OXR1: variants seen among roughly 807,000 people sequenced by gnomAD.
OXR1 encodes oxidation resistance protein 1.
A neutral mutation model predicts 104.6 loss-of-function variants in OXR1; 41 were observed. The observed-to-expected ratio is 0.39, with a 90% CI of 0.31 to 0.51. The LOEUF is 0.51. Ranked by LOEUF, OXR1 falls within the 20% of genes least tolerant of loss-of-function variation. The pLI, the probability that OXR1 is intolerant of heterozygous loss-of-function variation, is 0.77. For missense variants in OXR1, 955 were observed against 1,031.9 expected (o/e 0.93, Z 1.02); for synonymous variants, 348 against 348.4 (o/e 1.00, Z 0.01).
chr8:106,694,297 G>A (rs2930503), intron 7 of OXR1, among the ~76,000 whole-genome samples: 147,907 of 150,242 alleles, frequency 0.98, 72,815 homozygotes, highest in East Asian at 1. Flanking sequence ...TTTTCTGTCT[G>A]TCAGTTGTTG....
intron 3 of OXR1, among the ~76,000 whole-genome samples, chr8:106,615,902 C>T (rs1227426901): frequency 6.6e-6 from 1 of 151,960 alleles, no homozygotes; most frequent in African/African-American, 2.4e-5. Flanking sequence ...AACGATAAAA[C>T]ATTACACATA....
In OXR1 at chr8:106,751,071, A is replaced by G. The variant is rs1018586216; in HGVS notation, c.*130A>G. The stretch of plus-strand genomic sequence containing the variant: ...TTAAAATTAGTCTGTATCACCATTT[A>G]TTACAGTTATAATTTTGGAGTTTAT... On this transcript the variant is annotated 3_prime_UTR_variant, in exon 17 of 17. Transcript: ENST00000517566. The G allele has an allele frequency of 4.7e-6, 3 of 639,730 alleles. No homozygotes were observed. The highest frequency in any genetic ancestry group is 7.7e-6 in the Non-Finnish European group (3 of 390,186). 39.6% of individuals were successfully genotyped at this position (639,730 alleles called of 1,614,324 possible).
intron 1 of OXR1, among the ~76,000 whole-genome samples, chr8:106,278,400 C>G (rs1226318296): frequency 6.6e-6 from 1 of 151,920 alleles, no homozygotes; most frequent in African/African-American, 2.4e-5. Flanking sequence ...GGTCCTTCAT[C>G]TACATACCAA....
At chr8:106,676,631 G>T (rs1368380685) in intron 3 of OXR1, among the ~76,000 whole-genome samples, 1 of 151,990 alleles carries the variant, frequency 6.6e-6, no homozygotes, top group East Asian at 1.9e-4. Flanking sequence ...ATCTCTTCTG[G>T]CTTGTAGGGT....
intron 10 of OXR1, among the ~76,000 whole-genome samples, chr8:106,712,535 A>C (rs979396958): frequency 5.3e-5 from 8 of 152,098 alleles, no homozygotes; most frequent in Non-Finnish European, 1.2e-4. Flanking sequence ...GCAAAGAGTA[A>C]CATATGGAAA....
intron 3 of OXR1, among the ~76,000 whole-genome samples, chr8:106,530,746 T>G (rs1037327785): frequency 1.3e-5 from 2 of 152,200 alleles, no homozygotes; most frequent in African/African-American, 4.8e-5. Flanking sequence ...AGCAAGCTAT[T>G]AGTAAACAGC....
intron 3 of OXR1, chr8:106,580,936 C>T (rs1818179737): frequency 1.0e-6 from 1 of 982,178 alleles, no homozygotes; most frequent in African/African-American, 1.8e-5. Context: ...AAATGAATGA[C>T]TTGCTCTTTT....
chr8:106,512,104 T>A (rs1386925758), intron 2 of OXR1, among the ~76,000 whole-genome samples: 1 of 152,210 alleles, frequency 6.6e-6, no homozygotes, highest in Non-Finnish European at 1.5e-5. Flanking sequence ...CTAATCTTCA[T>A]GTCAATTTTA....
intron 3 of OXR1, among the ~76,000 whole-genome samples, chr8:106,537,417 A>G (rs1340074671): frequency 2.0e-5 from 3 of 152,168 alleles, no homozygotes; most frequent in Non-Finnish European, 4.4e-5. Flanking sequence ...GTAAGAGTTT[A>G]AAAACGGAGG....
At chr8:106,271,110 A>G (rs1811785555) in intron 1 of OXR1, among the ~76,000 whole-genome samples, 1 of 152,110 alleles carries the variant, frequency 6.6e-6, no homozygotes, top group African/African-American at 2.4e-5. Context: ...GGAGCTGTGC[A>G]GTATCGGGCG....
At chr8:106,304,803 T>C (rs1283830983) in intron 1 of OXR1, among the ~76,000 whole-genome samples, 1 of 152,120 alleles carries the variant, frequency 6.6e-6, no homozygotes, top group Non-Finnish European at 1.5e-5. Flanking sequence ...TGATGGAACA[T>C]ATATTGGCAG....
chr8:106,568,299 G>A (rs1817224002), intron 3 of OXR1, among the ~76,000 whole-genome samples: 1 of 152,022 alleles, frequency 6.6e-6, no homozygotes, highest in African/African-American at 2.4e-5. Flanking sequence ...AATAAACAAG[G>A]AAGTATTTAA....
At chr8:106,423,071 G>A (rs2130540834) in intron 2 of OXR1, among the ~76,000 whole-genome samples, 1 of 152,194 alleles carries the variant, frequency 6.6e-6, no homozygotes, top group Admixed American at 6.5e-5. Context: ...CCTTGGCTCT[G>A]ACTGTGTTTT....
intron 3 of OXR1, among the ~76,000 whole-genome samples, chr8:106,562,322 C>T (rs1816742316): frequency 6.6e-6 from 1 of 151,878 alleles, no homozygotes; most frequent in African/African-American, 2.4e-5. Context: ...CTTCATGAAG[C>T]ATACACAGTA....
chr8:106,488,757 G>A (rs1404783100), intron 2 of OXR1, among the ~76,000 whole-genome samples: 1 of 145,204 alleles, frequency 6.9e-6, no homozygotes, highest in African/African-American at 2.6e-5. Context: ...TATTTCTGAG[G>A]GCTCTGTTCT....
chr8:106,634,590 T>C (rs952652311), intron 3 of OXR1, among the ~76,000 whole-genome samples: 1 of 152,156 alleles, frequency 6.6e-6, no homozygotes, highest in Non-Finnish European at 1.5e-5. Flanking sequence ...ATGCTACAGT[T>C]ATTACAAAGT....
chr8:106,595,567 A>AG (rs977220898), intron 3 of OXR1, among the ~76,000 whole-genome samples: 2 of 151,304 alleles, frequency 1.3e-5, no homozygotes, highest in African/African-American at 2.4e-5. Flanking sequence ...AAAAAAAAAA[A>AG]AAAGAAAAGA....
At chr8:106,353,662 G>A (rs1815834101) in intron 1 of OXR1, among the ~76,000 whole-genome samples, 1 of 151,824 alleles carries the variant, frequency 6.6e-6, no homozygotes, top group East Asian at 1.9e-4. Flanking sequence ...ATGTTTTGAT[G>A]TATGTATACA....
chr8:106,503,076 C>A (rs1244782090), intron 2 of OXR1, among the ~76,000 whole-genome samples: 5 of 152,008 alleles, frequency 3.3e-5, no homozygotes, highest in Non-Finnish European at 5.9e-5. Context: ...TTTGTGTCTC[C>A]AGCATTTAGC....
Sources: allele counts gnomAD v4.1 joint callset (sites outside exome capture counted in the v4.1 genomes callset), GRCh38; gene constraint gnomAD v4.1.1; transcripts MANE v1.5; gene names NCBI Gene and HGNC (gene_info 2026-07-23, HGNC 2026-07-21).